VPS26C: variants seen among roughly 807,000 people sequenced by gnomAD.
VPS26C encodes the protein VPS26 endosomal protein sorting factor C, also known as vacuolar protein sorting-associated protein 26C.
In VPS26C, 19 loss-of-function variants were observed where a neutral mutation model predicts 30.6. The ratio of observed to expected loss-of-function variants is 0.62; its 90% CI spans 0.43 to 0.91. The LOEUF is 0.91. Among genes scored for constraint, VPS26C ranks in the 40% least tolerant of loss-of-function variants. The pLI is 0.00. For synonymous variants in VPS26C, 132 were observed against 151.5 expected (o/e 0.87, Z 0.95); for missense variants, 318 against 385.1 (o/e 0.83, Z 1.46).
At chr21:37,255,851 A>ACTTTTTTTT (rs2086236806) in intron 1 of VPS26C, among the ~76,000 whole-genome samples, 1 of 108,514 alleles carries the variant, frequency 9.2e-6, no homozygotes, top group Non-Finnish European at 1.7e-5. Context: ...TATGCACTGC[A>ACTTTTTTTT]TTTTTTTTTT....
At chr21:37,231,489 T>G (rs2085963276) in intron 5 of VPS26C, 1 of 152,088 alleles carries the variant, frequency 6.6e-6, no homozygotes, top group South Asian at 2.1e-4. Flanking sequence ...CTTTCCTCCC[T>G]CACCTGTCTG....
chr21:37,232,305 G>A lies in VPS26C; in HGVS notation c.507+72C>T, dbSNP rs528816620. ...GTGATTTCCAAATGAAGACCACCCG[G>A]GCAATAGCTAGTCCGTGGGGTCTGG... On this transcript the variant is annotated intron_variant, in intron 5 of 7. Coordinates refer to ENST00000309117, the MANE Select transcript of VPS26C (RefSeq NM_006052.2). 280 of 1,303,658 alleles carry A rather than the reference G, an allele frequency of 2.1e-4. 1 individual carries two copies. The Middle Eastern group carries it at 5.9e-3, about 27-fold the overall frequency. 80.8% of individuals were successfully genotyped at this position (1,303,658 alleles called of 1,614,324 possible). A position where few individuals can be genotyped will look rare whatever the true frequency, so the allele number is the denominator to read the frequency against.
chr21:37,242,394 C>T (rs987350232), intron 1 of VPS26C, among the ~76,000 whole-genome samples: 5 of 151,828 alleles, frequency 3.3e-5, no homozygotes, highest in Non-Finnish European at 5.9e-5. Flanking sequence ...CCCAGGAGTT[C>T]GAGACCAGCC....
chr21:37,238,931 C>T (rs991230023), intron 2 of VPS26C, among the ~76,000 whole-genome samples: 2 of 152,200 alleles, frequency 1.3e-5, no homozygotes, highest in Non-Finnish European at 2.9e-5. Flanking sequence ...AAGAAGCAGA[C>T]CCAGCACAGT....
chr21:37,229,866 T>A (rs1348233196), intron 5 of VPS26C, among the ~76,000 whole-genome samples: 1 of 152,152 alleles, frequency 6.6e-6, no homozygotes, highest in African/African-American at 2.4e-5. Context: ...GATGGAGCTT[T>A]TATTTATTTG....
At position 37,240,588 on chromosome 21, in the gene VPS26C, G is replaced by A. The variant is rs1284149456; in HGVS notation, c.109C>T (p.Gln37Ter). 5 of 1,614,182 alleles carry A rather than the reference G, an allele frequency of 3.1e-6. No homozygotes were observed. Among genetic ancestry groups the A allele is most frequent in the Non-Finnish European group, 4.2e-6 (5 of 1,180,028 alleles). ...CCTTCCATGGTCAAAGACACTCCCT[G>A]GTGTTGGACTGAATCCTTACTCGAT... ...VISSKDSVQH[Q>*]GVSLTMEGTV... The change falls in exon 2 of 8, where the codon CAG (glutamine) becomes TAG (stop). Residue 37 changes from glutamine (Q) to a stop codon, truncating the protein, a stop_gained. Coordinates refer to ENST00000309117, the MANE Select transcript of VPS26C (RefSeq NM_006052.2). LOFTEE classifies it high-confidence loss of function.
Position 37,257,354 on chromosome 21 carries a change from C to T in VPS26C, c.57+9884G>A, listed in dbSNP as rs1381769960. On this transcript the variant is annotated intron_variant, in intron 1 of 7. Transcript: ENST00000309117. The surrounding 1 kb of genome is among the most constrained non-coding windows in gnomAD (Gnocchi z 4.2). Reference sequence around the variant, plus strand: ...CGTAGCGGCTTCTCGTGGGCGAGTCCCTGTTCGCAGGTGACGTGTGGACCA... The same window carrying T: ...CGTAGCGGCTTCTCGTGGGCGAGTCTCTGTTCGCAGGTGACGTGTGGACCA... 6.6e-6 allele frequency among the ~76,000 whole-genome samples: 1 copy of T among 152,022 alleles called. No homozygotes were observed. Among genetic ancestry groups the T allele is most frequent in the East Asian group, 1.9e-4 (1 of 5,160 alleles).
intron 5 of VPS26C, chr21:37,228,692 G>A (rs758213666): frequency 6.2e-5 from 14 of 224,172 alleles, no homozygotes; most frequent in Non-Finnish European, 1.2e-4. Flanking sequence ...AAAGTCTGAG[G>A]GAGTCGCCAT....
intron 1 of VPS26C, chr21:37,266,976 G>A (rs1207676552): frequency 2.2e-5 from 12 of 537,176 alleles, no homozygotes; most frequent in Non-Finnish European, 4.0e-5. Context: ...GCGCAGCCCC[G>A]GAGCTGGGCG....
intron 1 of VPS26C, among the ~76,000 whole-genome samples, chr21:37,254,599 T>C (rs1416544164): frequency 6.6e-6 from 1 of 151,992 alleles, no homozygotes; most frequent in Non-Finnish European, 1.5e-5. Context: ...TCACCTAAGG[T>C]CACAAGTTCA....
chr21:37,244,261 CTCTT>C (rs1251510969), intron 1 of VPS26C, among the ~76,000 whole-genome samples: 1 of 152,234 alleles, frequency 6.6e-6, no homozygotes, highest in Non-Finnish European at 1.5e-5. Flanking sequence ...ACTTTGTATT[CTCTT>C]TTTTTTCCTC....
intron 1 of VPS26C, among the ~76,000 whole-genome samples, chr21:37,263,901 TAGGAG>T (rs893170665): frequency 6.6e-6 from 1 of 152,124 alleles, no homozygotes; most frequent in Non-Finnish European, 1.5e-5. Flanking sequence ...GTGAGGAGGA[TAGGAG>T]AGAAGGGCCG....
chr21:37,225,699 A>G, intron 7 of VPS26C, 73 bp from the exon 8 acceptor site: 2 of 1,296,700 alleles, frequency 1.5e-6, no homozygotes, highest in Non-Finnish European at 2.2e-6. Context: ...CCACCACTGC[A>G]GTCGCAGGAA....
At chr21:37,249,548 C>T (rs1169838820) in intron 1 of VPS26C, among the ~76,000 whole-genome samples, 2 of 152,116 alleles carry the variant, frequency 1.3e-5, no homozygotes, top group African/African-American at 2.4e-5. Flanking sequence ...TGCCTGAAAG[C>T]CACAAAAGAA....
chr21:37,247,891 C>G (rs2086152915), intron 1 of VPS26C, among the ~76,000 whole-genome samples: 1 of 152,134 alleles, frequency 6.6e-6, no homozygotes, highest in Non-Finnish European at 1.5e-5. Flanking sequence ...ACTTGTGAGG[C>G]CAGGTGTGGT....
intron 3 of VPS26C, among the ~76,000 whole-genome samples, chr21:37,236,825 C>T (rs149004654): frequency 1.6e-4 from 25 of 152,260 alleles, no homozygotes; most frequent in African/African-American, 3.8e-4. Context: ...GATGAAAAGA[C>T]GAGGGTAGGG....
intron 1 of VPS26C, among the ~76,000 whole-genome samples, chr21:37,243,632 G>A (rs760294748): frequency 3.3e-5 from 5 of 152,118 alleles, no homozygotes; most frequent in Non-Finnish European, 7.4e-5. Context: ...CGGCAGTCCC[G>A]TCCTCCCCTT....
intron 1 of VPS26C, among the ~76,000 whole-genome samples, chr21:37,245,683 A>G (rs1010896578): frequency 1.3e-5 from 2 of 152,212 alleles, no homozygotes; most frequent in Non-Finnish European, 2.9e-5. Context: ...TAGGCATTCA[A>G]TGAACATTTA....
chr21:37,253,761 C>T (rs908489896), intron 1 of VPS26C, among the ~76,000 whole-genome samples: 8 of 152,040 alleles, frequency 5.3e-5, no homozygotes, highest in Admixed American at 2.6e-4. Context: ...AAATCTGAAA[C>T]GTTCCAAAGT....
Sources: allele counts gnomAD v4.1 joint callset (sites outside exome capture counted in the v4.1 genomes callset), GRCh38; gene constraint gnomAD v4.1.1; non-coding constraint Gnocchi (gnomAD v3.1); transcripts MANE v1.5; gene names NCBI Gene and HGNC (gene_info 2026-07-23, HGNC 2026-07-21).